PDE4B: variants seen among roughly 807,000 people sequenced by gnomAD.
PDE4B encodes the protein phosphodiesterase 4B.
In PDE4B, 20 loss-of-function variants were observed where a neutral mutation model predicts 82.2. The observed-to-expected ratio is 0.24, with a 90% CI of 0.17 to 0.35. The LOEUF (loss-of-function observed/expected upper bound fraction) is 0.35. Among genes scored for constraint, PDE4B ranks in the 10% least tolerant of loss-of-function variants. PDE4B has a pLI of 1.00. For missense variants in PDE4B, 655 were observed against 907.2 expected, an observed-to-expected ratio of 0.72 and a Z score of 3.57; for synonymous variants, 320 against 318.9, an observed-to-expected ratio of 1.00 and a Z score of -0.04.
At chr1:66,350,865 G>A (rs1473469639) in intron 8 of PDE4B, among the ~76,000 whole-genome samples, 1 of 152,102 alleles carries the variant, frequency 6.6e-6, no homozygotes, top group Non-Finnish European at 1.5e-5. Context: ...TAAAACTAAA[G>A]AAAAATTGAA....
At chr1:66,202,183 C>T (rs918794315) in intron 3 of PDE4B, among the ~76,000 whole-genome samples, 1 of 151,896 alleles carries the variant, frequency 6.6e-6, no homozygotes, top group Admixed American at 6.6e-5. Flanking sequence ...ATCCTGAGTT[C>T]TAGTTTGATT....
At chr1:65,958,534 A>G (rs1649372221) in intron 3 of PDE4B, among the ~76,000 whole-genome samples, 1 of 152,110 alleles carries the variant, frequency 6.6e-6, no homozygotes, top group Non-Finnish European at 1.5e-5. Flanking sequence ...AGAGTTTAAA[A>G]TTTATAAATA....
chr1:66,142,829 A>G (rs1557591009), intron 3 of PDE4B, among the ~76,000 whole-genome samples: 2 of 152,224 alleles, frequency 1.3e-5, no homozygotes, highest in Non-Finnish European at 1.5e-5. Flanking sequence ...CAGTTCAGAA[A>G]AAAAGTTAGT....
intron 3 of PDE4B, among the ~76,000 whole-genome samples, chr1:66,024,465 C>G (rs966256281): frequency 6.6e-6 from 1 of 152,082 alleles, no homozygotes; most frequent in African/African-American, 2.4e-5. Context: ...TGTTGACCAA[C>G]ACTTAGAAAG....
At chr1:65,912,715 T>G (rs1259476337) in intron 1 of PDE4B, among the ~76,000 whole-genome samples, 1 of 152,192 alleles carries the variant, frequency 6.6e-6, no homozygotes, top group East Asian at 1.9e-4. Flanking sequence ...GTTTTTTTCT[T>G]TCATGTATAT....
intron 7 of PDE4B, among the ~76,000 whole-genome samples, chr1:66,290,322 T>C (rs2101808717): frequency 6.6e-6 from 1 of 152,270 alleles, no homozygotes; most frequent in South Asian, 2.1e-4. Context: ...ATCATCACCA[T>C]AGCTTATATT....
At chr1:66,029,379 G>A (rs1391300592) in intron 3 of PDE4B, among the ~76,000 whole-genome samples, 1 of 152,160 alleles carries the variant, frequency 6.6e-6, no homozygotes, top group Non-Finnish European at 1.5e-5. Flanking sequence ...TGGGGACACA[G>A]CCAAACCATA....
intron 3 of PDE4B, among the ~76,000 whole-genome samples, chr1:66,041,612 C>T (rs1362613660): frequency 1.3e-5 from 2 of 151,862 alleles, no homozygotes; most frequent in African/African-American, 2.4e-5. Flanking sequence ...GGCTCAATGT[C>T]CTATAGGAAG....
intron 7 of PDE4B, among the ~76,000 whole-genome samples, chr1:66,283,967 A>G (rs896681649): frequency 1.3e-5 from 2 of 152,202 alleles, no homozygotes; most frequent in Non-Finnish European, 1.5e-5. Context: ...GCGAGTACTC[A>G]CCACAACATG....
intron 1 of PDE4B, among the ~76,000 whole-genome samples, chr1:65,826,859 G>A (rs1463417274): frequency 6.6e-6 from 1 of 151,986 alleles, no homozygotes; most frequent in Non-Finnish European, 1.5e-5. Flanking sequence ...CAGAATATTA[G>A]ATGCTTTCCA....
At chr1:65,962,041 C>T (rs114425589) in intron 3 of PDE4B, among the ~76,000 whole-genome samples, 3,867 of 152,186 alleles carry the variant, frequency 0.025, 68 homozygotes, top group African/African-American at 0.03. Flanking sequence ...ACTTAATATA[C>T]GTAACCCACA....
intron 3 of PDE4B, among the ~76,000 whole-genome samples, chr1:65,947,953 G>T (rs1648795306): frequency 6.8e-6 from 1 of 147,684 alleles, no homozygotes; most frequent in South Asian, 2.1e-4. Flanking sequence ...TAATATATAT[G>T]AATACATATA....
At chr1:65,808,367 G>A (rs1189865498) in intron 1 of PDE4B, among the ~76,000 whole-genome samples, 1 of 151,948 alleles carries the variant, frequency 6.6e-6, no homozygotes, top group African/African-American at 2.4e-5. Context: ...ACAGGGTCTT[G>A]CTACGTTGCC....
intron 1 of PDE4B, among the ~76,000 whole-genome samples, chr1:65,816,605 A>T (rs561876924): frequency 7.9e-5 from 12 of 152,344 alleles, no homozygotes; most frequent in East Asian, 7.7e-4. Flanking sequence ...ATTTATAAAC[A>T]AGGATGTTAG....
intron 3 of PDE4B, among the ~76,000 whole-genome samples, chr1:66,029,809 T>G (rs1653662862): frequency 6.6e-6 from 1 of 152,216 alleles, no homozygotes; most frequent in Admixed American, 6.5e-5. Flanking sequence ...AATTTGATTT[T>G]ATATATGCTT....
At chr1:66,022,051 GA>G (rs1178854050) in intron 3 of PDE4B, among the ~76,000 whole-genome samples, 2 of 152,114 alleles carry the variant, frequency 1.3e-5, no homozygotes. Context: ...TGTATTCCTA[GA>G]TATTTTATTG....
intron 3 of PDE4B, among the ~76,000 whole-genome samples, chr1:66,081,862 G>GTA: frequency 6.6e-6 from 1 of 151,674 alleles, no homozygotes; most frequent in Middle Eastern, 3.4e-3. Flanking sequence ...GTGTGTGTGT[G>GTA]TGTGTAGCTA....
At chr1:66,218,516 C>A (rs1650691008) in intron 3 of PDE4B, among the ~76,000 whole-genome samples, 2 of 152,068 alleles carry the variant, frequency 1.3e-5, no homozygotes, top group South Asian at 4.1e-4. Flanking sequence ...TGGAGATGAG[C>A]CATATCCTTA....
At chr1:66,026,008 CT>C (rs1410332602) in intron 3 of PDE4B, among the ~76,000 whole-genome samples, 1 of 152,096 alleles carries the variant, frequency 6.6e-6, no homozygotes, top group African/African-American at 2.4e-5. Flanking sequence ...AATTATTTTT[CT>C]GGTCAGTTAC....
Sources: allele counts gnomAD v4.1 joint callset (sites outside exome capture counted in the v4.1 genomes callset), GRCh38; gene constraint gnomAD v4.1.1; transcripts MANE v1.5; gene names NCBI Gene and HGNC (gene_info 2026-07-23, HGNC 2026-07-21).